The following PREX1 variants were observed in gnomAD, a reference collection of about 807,000 sequenced individuals.
The protein encoded by PREX1 is phosphatidylinositol-3,4,5-trisphosphate dependent Rac exchange factor 1.
PREX1 carries 41 observed loss-of-function variants against 198.3 expected under a neutral mutation model. The observed-to-expected ratio is 0.21, with a 90% CI of 0.16 to 0.27. PREX1 has a LOEUF of 0.27. Among genes scored for constraint, PREX1 ranks in the 10% least tolerant of loss-of-function variants. The pLI, the probability that PREX1 is intolerant of heterozygous loss-of-function variation, is 1.00. For missense variants in PREX1, 1,620 were observed against 2,200.7 expected (o/e 0.74, Z 5.28); for synonymous variants, 843 against 887.2 (o/e 0.95, Z 0.89).
chr20:48,706,885 T>C (rs1035528585), intron 6 of PREX1, among the ~76,000 whole-genome samples: 1 of 152,102 alleles, frequency 6.6e-6, no homozygotes, highest in Non-Finnish European at 1.5e-5. Flanking sequence ...CCAGCCACAA[T>C]GCAGAACTCA....
chr20:48,864,175 T>C, the PREX1 span, among the ~76,000 whole-genome samples: 1 of 152,210 alleles, frequency 6.6e-6, no homozygotes, highest in African/African-American at 2.4e-5. Flanking sequence ...ATTTCGATCT[T>C]TCATTTCACA....
At chr20:48,740,767 G>A (rs1157951667) in intron 3 of PREX1, among the ~76,000 whole-genome samples, 3 of 152,206 alleles carry the variant, frequency 2.0e-5, no homozygotes, top group African/African-American at 7.2e-5. Context: ...CACTGAGAAC[G>A]CTGGCTCCTT....
the PREX1 span, among the ~76,000 whole-genome samples, chr20:48,876,838 C>A: frequency 6.6e-6 from 1 of 152,170 alleles, no homozygotes; most frequent in African/African-American, 2.4e-5. Flanking sequence ...TCTTTGGGAA[C>A]CAGAACCCAG....
chr20:48,676,285 C>T lies in PREX1; in HGVS notation c.1590-17G>A, dbSNP rs6125428. ...TCACGGTCTCTGTGGAGAAGGTGAG[C>T]GCACAGTGAGCAGGGCAGGGCGGGG... On this transcript the variant is annotated splice_polypyrimidine_tract_variant and intron_variant, in intron 13 of 39. Transcript: ENST00000371941. The T allele has an allele frequency of 1.9e-5, 30 of 1,611,536 alleles. No homozygotes were observed. The highest frequency in any genetic ancestry group is 1.1e-4 in the African/African-American group (8 of 74,848).
At chr20:48,640,841 A>ATG (rs2089404022) in intron 29 of PREX1, among the ~76,000 whole-genome samples, 1 of 128,404 alleles carries the variant, frequency 7.8e-6, no homozygotes, top group African/African-American at 2.9e-5. Context: ...ACAGACAAGA[A>ATG]GATGGATGGA....
At chr20:48,836,966 T>G in the PREX1 span, among the ~76,000 whole-genome samples, 1 of 128,424 alleles carries the variant, frequency 7.8e-6, no homozygotes, top group Non-Finnish European at 1.6e-5. Flanking sequence ...CACAGCGACA[T>G]AAAAAGAACT....
At position 48,827,815 on chromosome 20, in the gene PREX1, C is replaced by T; in HGVS notation, c.46G>A (p.Asp16Asn). ...GCCCGGGGGTCCGGGTGGGCGCAGT[C>T]CCCGGCCCCGTCGCCGCCGGGCTCG... ...GSEPGGDGAG[D>N]CAHPDPRAPG... Residue 16 changes from aspartate to asparagine, a missense_variant, in exon 1 of 40, where the codon GAC becomes AAC. By Grantham distance (23) the Asp-to-Asn change is conservative (BLOSUM62 1). Transcript: ENST00000371941. The surrounding 1 kb of genome is among the most constrained non-coding windows in gnomAD (Gnocchi z 4.1). 4 of 1,014,874 alleles carry T rather than the reference C, an allele frequency of 3.9e-6. No homozygotes were observed. Among genetic ancestry groups the T allele is most frequent in the Non-Finnish European group, 2.4e-6 (2 of 847,954 alleles). The allele number at this position is 1,014,874 out of a possible 1,614,324, so 62.9% of individuals were successfully genotyped here. A position where few individuals can be genotyped will look rare whatever the true frequency, so the allele number is the denominator to read the frequency against.
chr20:48,866,035 A>C, the PREX1 span, among the ~76,000 whole-genome samples: 1 of 151,618 alleles, frequency 6.6e-6, no homozygotes, highest in African/African-American at 2.4e-5. Context: ...TAAAGCCTCA[A>C]CTTCCTCGGC....
intron 1 of PREX1, among the ~76,000 whole-genome samples, chr20:48,766,890 CTG>C (rs2090210866): frequency 6.6e-6 from 1 of 152,172 alleles, no homozygotes; most frequent in South Asian, 2.1e-4. Flanking sequence ...AAAATAGACA[CTG>C]TGTGATAACA....
Position 48,653,595 on chromosome 20 carries a change from G to T in PREX1, c.2210-98C>A, listed in dbSNP as rs971068348. On this transcript the variant is annotated intron_variant, in intron 19 of 39. Coordinates refer to ENST00000371941, the MANE Select transcript of PREX1 (RefSeq NM_020820.4). ...CACCCACCACTGCAACCCCAGACACGCGCAAGGACTCCACCTCCACCCCTC... is the reference window on the plus strand; with the variant it reads ...CACCCACCACTGCAACCCCAGACACTCGCAAGGACTCCACCTCCACCCCTC... 3.4e-6 allele frequency: 5 copies of T among 1,465,016 alleles called. No homozygotes were observed. In the Admixed American group the frequency reaches 9.0e-5, roughly 26 times the overall value. The allele number at this position is 1,465,016 out of a possible 1,614,324, so 90.8% of individuals were successfully genotyped here. A position where few individuals can be genotyped will look rare whatever the true frequency, so the allele number is the denominator to read the frequency against.
chr20:48,748,819 T>G (rs538398118), intron 1 of PREX1, among the ~76,000 whole-genome samples: 1 of 152,332 alleles, frequency 6.6e-6, no homozygotes, highest in South Asian at 2.1e-4. Context: ...GGTTCGGATT[T>G]GGGTGTTGTT....
At chr20:48,824,359 G>T (rs1195105591) in intron 1 of PREX1, among the ~76,000 whole-genome samples, 3 of 152,088 alleles carry the variant, frequency 2.0e-5, no homozygotes, top group African/African-American at 7.2e-5. Context: ...CAAAACCACT[G>T]GTTCCTGTGG....
intron 4 of PREX1, among the ~76,000 whole-genome samples, chr20:48,729,102 G>T (rs760884993): frequency 1.5e-4 from 22 of 151,616 alleles, no homozygotes; most frequent in South Asian, 6.3e-4. Flanking sequence ...TTCCTGGACA[G>T]AATCTCATTC....
intron 4 of PREX1, among the ~76,000 whole-genome samples, chr20:48,729,771 A>G: frequency 6.6e-6 from 1 of 152,236 alleles, no homozygotes; most frequent in East Asian, 1.9e-4. Context: ...CGGACATTGC[A>G]GTAGCCCTGC....
chr20:48,656,893 G>A lies in PREX1; in HGVS notation c.2123+147C>T, dbSNP rs7271463. 2.7e-3 allele frequency: 3,175 copies of A among 1,174,476 alleles called. 65 individuals are homozygous for A. The African/African-American group carries it at 0.044, about 16-fold the overall frequency. The allele number at this position is 1,174,476 out of a possible 1,614,324, so 72.8% of individuals were successfully genotyped here. ...GAGTGGCACTCTGTAAACATCTGCC[G>A]AATTAATGAAGGTCCAGCTTGTGTT... On this transcript the variant is annotated intron_variant, in intron 18 of 39. Coordinates refer to ENST00000371941, the MANE Select transcript of PREX1 (RefSeq NM_020820.4).
intron 1 of PREX1, among the ~76,000 whole-genome samples, chr20:48,806,714 C>G (rs1270046537): frequency 6.6e-6 from 1 of 152,206 alleles, no homozygotes; most frequent in Non-Finnish European, 1.5e-5. Context: ...TTTGGGCTTT[C>G]AGATTGGTAA....
chr20:48,767,938 C>A (rs963852133), intron 1 of PREX1, among the ~76,000 whole-genome samples: 1 of 152,208 alleles, frequency 6.6e-6, no homozygotes, highest in African/African-American at 2.4e-5. Context: ...CCCTGTAATG[C>A]AGGTAGCACA....
chr20:48,726,276 C>G lies in PREX1; in HGVS notation c.621+14G>C. The G allele has an allele frequency of 1.2e-6, 2 of 1,603,130 alleles. No individual in the cohort carries two copies. The highest frequency in any genetic ancestry group is 1.7e-6 in the Non-Finnish European group (2 of 1,171,052). On this transcript the variant is annotated intron_variant, in intron 5 of 39. Coordinates refer to ENST00000371941, the MANE Select transcript of PREX1 (RefSeq NM_020820.4). ...AAAGAGTTTTCTGTCACTTCAAATACGGGAAAGTCTCACCTTAAGGAGGAG... is the reference window on the plus strand; with the variant it reads ...AAAGAGTTTTCTGTCACTTCAAATAGGGGAAAGTCTCACCTTAAGGAGGAG...
intron 1 of PREX1, among the ~76,000 whole-genome samples, chr20:48,786,462 GGCCGGGCACGGTGGCTCAC>G (rs1291392362): frequency 6.6e-6 from 1 of 152,094 alleles, no homozygotes; most frequent in Non-Finnish European, 1.5e-5. Flanking sequence ...GGAGGATGGG[GGCCGGGCACGGTGGCTCAC>G]GCCTATAATC....
Sources: gnomAD v4.1 joint callset for allele counts (sites outside exome capture counted in the v4.1 genomes callset) on GRCh38, gnomAD v4.1.1 for gene constraint, Gnocchi (gnomAD v3.1) non-coding constraint, MANE v1.5 for transcripts, NCBI Gene and HGNC (gene_info 2026-07-23, HGNC 2026-07-21) for gene names.